The following LATS1 variants were observed in gnomAD, a reference collection of about 807,000 sequenced individuals.
The protein encoded by LATS1 is serine/threonine-protein kinase LATS1.
A neutral mutation model predicts 106.6 loss-of-function variants in LATS1; 25 were observed. The ratio of observed to expected loss-of-function variants is 0.23; its 90% CI spans 0.17 to 0.33. The LOEUF is 0.33. LATS1 is among the 10% of genes least tolerant of loss of function. The probability of loss-of-function intolerance (pLI) is 1.00; values close to 1 mark genes in which losing one functional copy is unlikely to be tolerated. For synonymous variants in LATS1, 465 were observed against 455.6 expected (o/e 1.02, Z -0.26); for missense variants, 1,040 against 1,382.6 (o/e 0.75, Z 3.93).
Position 149,676,695 on chromosome 6 carries a change from C to A in LATS1, c.2636G>T (p.Trp879Leu), listed in dbSNP as rs1408705745. 6.2e-7 allele frequency: 1 copy of A among 1,614,002 alleles called. No homozygotes were observed. Among genetic ancestry groups the A allele is most frequent in the South Asian group, 1.1e-5 (1 of 91,040 alleles). The change falls in exon 6 of 8, where the codon TGG becomes TTG. Residue 879 changes from tryptophan to leucine, a missense_variant. By Grantham distance (61) the Trp-to-Leu change is moderately conservative (BLOSUM62 -2). Transcript: ENST00000543571. ...ACATCGACAGCTTGAGGGATCCCCC[C>A]ATTCATTACTGAAATCCATGCTATC... ...RQDSMDFSNE[W>L]GDPSSCRCGD...
chr6:149,717,212 G>A (rs1284023414), intron 1 of LATS1, among the ~76,000 whole-genome samples: 2 of 152,118 alleles, frequency 1.3e-5, no homozygotes, highest in African/African-American at 4.8e-5. Flanking sequence ...GTCAGAATGG[G>A]GATAAATCAA....
rs780286257 is a variant in LATS1 at position 149,676,742 on chromosome 6, A to G, written c.2594-5T>C. On this transcript the variant is annotated splice_polypyrimidine_tract_variant and splice_region_variant and intron_variant, in intron 5 of 7. Transcript: ENST00000543571. ...TATCTTGCCGTGGATGGTCACCTGC[A>G]CAACAAAAGAATAAGTAAATAAAGT... is the stretch of plus-strand genomic sequence containing the variant. 1 of 1,605,724 alleles carries G rather than the reference A, an allele frequency of 6.2e-7. No homozygotes were observed. The highest frequency in any genetic ancestry group is 8.5e-7 in the Non-Finnish European group (1 of 1,173,638).
intron 1 of LATS1, among the ~76,000 whole-genome samples, chr6:149,707,148 C>T (rs1256102033): frequency 6.0e-5 from 9 of 151,186 alleles, no homozygotes; most frequent in African/African-American, 1.2e-4. Context: ...CCTGAGTAGC[C>T]GAGATCACAG....
chr6:149,709,342 G>T (rs1171723845), intron 1 of LATS1, among the ~76,000 whole-genome samples: 1 of 152,126 alleles, frequency 6.6e-6, no homozygotes, highest in Non-Finnish European at 1.5e-5. Flanking sequence ...CATGACAGAT[G>T]GCAGGCCCTG....
In LATS1 at chr6:149,701,633, C is replaced by T. The variant is rs566529013; in HGVS notation, c.348+146G>A. On this transcript the variant is annotated intron_variant, in intron 2 of 7. Transcript: ENST00000543571. Reference sequence around the variant, plus strand: ...TAATAGTAATTAATGGAATTATAAACGTAACATTCTTTGCTGATAGAATAC... The same window carrying T: ...TAATAGTAATTAATGGAATTATAAATGTAACATTCTTTGCTGATAGAATAC... 8.6e-5 allele frequency: 46 copies of T among 536,028 alleles called. 1 individual carries two copies. Among genetic ancestry groups the T allele is most frequent in the Admixed American group, 2.8e-4 (8 of 28,116 alleles). 33.2% of individuals were successfully genotyped at this position (536,028 alleles called of 1,614,324 possible).
intron 3 of LATS1, among the ~76,000 whole-genome samples, chr6:149,686,982 TAAG>T (rs1447975008): frequency 1.3e-5 from 2 of 152,242 alleles, no homozygotes; most frequent in African/African-American, 4.8e-5. Context: ...ATAACTACTT[TAAG>T]GTTTATACGC....
chr6:149,667,472 G>A (rs1460701126), intron 7 of LATS1, among the ~76,000 whole-genome samples: 2 of 147,456 alleles, frequency 1.4e-5, no homozygotes, highest in African/African-American at 2.5e-5. Context: ...AAAAAAGGAG[G>A]TGGATACTAA....
chr6:149,684,727 T>G (rs1782267828), intron 3 of LATS1, 135 bp from the exon 4 acceptor site: 1 of 638,218 alleles, frequency 1.6e-6, no homozygotes, highest in South Asian at 2.7e-5. Flanking sequence ...TATAAAAAAG[T>G]TCAAGTGATC....
intron 3 of LATS1, among the ~76,000 whole-genome samples, chr6:149,692,543 T>C (rs1046802713): frequency 3.3e-5 from 5 of 152,156 alleles, no homozygotes; most frequent in African/African-American, 1.2e-4. Context: ...CCTTACTAGC[T>C]AAGCTCCACA....
At chr6:149,662,291 T>C in intron 7 of LATS1, 53 bp from the exon 8 acceptor site, 1 of 1,414,138 alleles carries the variant, frequency 7.1e-7, no homozygotes, top group Non-Finnish European at 9.5e-7. Flanking sequence ...AAAATAAAGA[T>C]TTCCTTCAAG....
At position 149,661,390 on chromosome 6, in the gene LATS1, T is replaced by G. The variant is rs1420867832; in HGVS notation, c.*339A>C. Reference sequence around the variant, plus strand: ...TTCAAAAAAATTTCAAAAACTCTTGTATTTTAAAATTATTTAGCATATATA... The same window carrying G: ...TTCAAAAAAATTTCAAAAACTCTTGGATTTTAAAATTATTTAGCATATATA... On this transcript the variant is annotated 3_prime_UTR_variant, in exon 8 of 8. Coordinates refer to ENST00000543571, the MANE Select transcript of LATS1 (RefSeq NM_004690.4). 4.0e-6 allele frequency: 1 copy of G among 249,318 alleles called. No homozygotes were observed. Among genetic ancestry groups the G allele is most frequent in the Non-Finnish European group, 7.7e-6 (1 of 130,034 alleles). The allele number at this position is 249,318 out of a possible 1,614,324, so 15.4% of individuals were successfully genotyped here. A position where few individuals can be genotyped will look rare whatever the true frequency, so the allele number is the denominator to read the frequency against.
chr6:149,707,250 G>A (rs1316738940), intron 1 of LATS1, among the ~76,000 whole-genome samples: 4 of 151,878 alleles, frequency 2.6e-5, no homozygotes, highest in East Asian at 1.9e-4. Flanking sequence ...TCCTGACCTC[G>A]TGATCTGCCC....
At chr6:149,666,279 A>G (rs1208216505) in intron 7 of LATS1, among the ~76,000 whole-genome samples, 1 of 152,174 alleles carries the variant, frequency 6.6e-6, no homozygotes, top group Non-Finnish European at 1.5e-5. Flanking sequence ...AAAAGTCAGT[A>G]TTGATATGAC....
chr6:149,666,401 A>G (rs1781153164), intron 7 of LATS1, among the ~76,000 whole-genome samples: 2 of 151,450 alleles, frequency 1.3e-5, no homozygotes, highest in South Asian at 4.2e-4. Context: ...GCAGATCACA[A>G]GGTCAGGAGT....
chr6:149,696,925 G>C (rs1158449608), intron 2 of LATS1, among the ~76,000 whole-genome samples: 1 of 152,062 alleles, frequency 6.6e-6, no homozygotes, highest in East Asian at 1.9e-4. Flanking sequence ...GTTGATGTGA[G>C]GATTAAATAA....
chr6:149,674,301 C>G (rs1431475805), intron 7 of LATS1, among the ~76,000 whole-genome samples: 3 of 151,998 alleles, frequency 2.0e-5, no homozygotes, highest in Non-Finnish European at 2.9e-5. Context: ...TCTCAAACTC[C>G]TGACCTCAGG....
rs1249874398 is a variant in LATS1 at position 149,683,907 on chromosome 6, A to T, written c.1182T>A (p.Ser394=). 2 of 1,614,064 alleles carry T rather than the reference A, an allele frequency of 1.2e-6. No homozygotes were observed. ...CATTTGTATATGACGAAGGAGCAGC[A>T]GATCCCCCTGTTTGTAAAGCAGAAG... is the stretch of plus-strand genomic sequence containing the variant. The part of the protein sequence containing the change: ...QSPSALQTGG[S]AAPSSYTNGS... The change falls in exon 4 of 8, where the codon TCT becomes TCA. Residue 394 remains serine (S), a synonymous_variant. Transcript: ENST00000543571.
intron 1 of LATS1, among the ~76,000 whole-genome samples, chr6:149,713,658 GTTTTGT>G (rs1199138867): frequency 6.6e-6 from 1 of 151,120 alleles, no homozygotes; most frequent in Non-Finnish European, 1.5e-5. Context: ...CTTTTTTTCT[GTTTTGT>G]TTTTGTTTTT....
rs777894546 is a variant in LATS1 at position 149,660,955 on chromosome 6, G to A, written c.*774C>T. 4.7e-6 allele frequency: 1 copy of A among 212,684 alleles called. No individual in the cohort carries two copies. The highest frequency in any genetic ancestry group is 9.5e-6 in the Non-Finnish European group (1 of 104,946). 13.2% of individuals were successfully genotyped at this position (212,684 alleles called of 1,614,324 possible). A position where few individuals can be genotyped will look rare whatever the true frequency, so the allele number is the denominator to read the frequency against. On this transcript the variant is annotated 3_prime_UTR_variant, in exon 8 of 8. Transcript: ENST00000543571. ...TTTAGCTTTTAGTATTGAACATTTC[G>A]ATTTATGGCAGCTTTGTTCCCTTTT... is the stretch of plus-strand genomic sequence containing the variant.
Sources: gnomAD v4.1 joint callset for allele counts (sites outside exome capture counted in the v4.1 genomes callset) on GRCh38, gnomAD v4.1.1 for gene constraint, MANE v1.5 for transcripts, NCBI Gene and HGNC (gene_info 2026-07-23, HGNC 2026-07-21) for gene names.